Variants in ZC3H12B observed in about 807,000 individuals in gnomAD.
The protein encoded by ZC3H12B is probable ribonuclease ZC3H12B.
Under a neutral mutation model 43.9 loss-of-function variants are expected in ZC3H12B, and 7 were observed. The ratio of observed to expected loss-of-function variants is 0.16; its 90% CI spans 0.09 to 0.30. The LOEUF (loss-of-function observed/expected upper bound fraction) is 0.30. Among genes scored for constraint, ZC3H12B ranks in the 10% least tolerant of loss-of-function variants. The probability of loss-of-function intolerance (pLI) is 1.00; values close to 1 mark genes in which losing one functional copy is unlikely to be tolerated. For missense variants in ZC3H12B, 475 were observed against 670.2 expected, an observed-to-expected ratio of 0.71 and a Z score of 3.22; for synonymous variants, 222 against 241.7, an observed-to-expected ratio of 0.92 and a Z score of 0.76.
At chrX:65,403,640 C>A (rs757077910) in intron 3 of ZC3H12B, among the ~76,000 whole-genome samples, 2 of 111,466 alleles carry the variant, frequency 1.8e-5, no homozygotes, top group Admixed American at 1.9e-4. Context: ...TCAGTGGAAA[C>A]CTTACAGGCC....
the ZC3H12B span, among the ~76,000 whole-genome samples, chrX:65,189,409 A>G: frequency 2.1e-5 from 2 of 93,461 alleles, no homozygotes; most frequent in Non-Finnish European, 4.1e-5. Flanking sequence ...TTACAGTCCC[A>G]CCAACAGTGT....
chrX:65,161,115 G>T, the ZC3H12B span, among the ~76,000 whole-genome samples: 1 of 111,106 alleles, frequency 9.0e-6, no homozygotes, highest in Non-Finnish European at 1.9e-5. Context: ...ATTGCACTGT[G>T]GTCTGAGAGA....
At chrX:65,087,574 CAG>C in the ZC3H12B span, among the ~76,000 whole-genome samples, 1 of 111,238 alleles carries the variant, frequency 9.0e-6, no homozygotes, top group Non-Finnish European at 1.9e-5. Flanking sequence ...GATGCACAAT[CAG>C]AGAATTTTAG....
At chrX:65,035,772 G>T in the ZC3H12B span, among the ~76,000 whole-genome samples, 2 of 111,230 alleles carry the variant, frequency 1.8e-5, no homozygotes, top group African/African-American at 3.3e-5. Context: ...CCTCCCGAAA[G>T]CCTTGTGCCT....
chrX:65,464,703 T>A (rs1183928966), intron 3 of ZC3H12B, among the ~76,000 whole-genome samples: 9 of 111,141 alleles, frequency 8.1e-5, no homozygotes, highest in African/African-American at 2.6e-4. Context: ...GGTGAGTGGC[T>A]AGGTTATTGA....
chrX:65,169,936 C>T, the ZC3H12B span, among the ~76,000 whole-genome samples: 14 of 111,675 alleles, frequency 1.3e-4, no homozygotes, highest in South Asian at 3.7e-4. Context: ...TCTCTGCACA[C>T]GAGACGGGTC....
At chrX:65,492,898 T>A (rs938891469) in intron 1 of ZC3H12B, among the ~76,000 whole-genome samples, 3 of 111,177 alleles carry the variant, frequency 2.7e-5, no homozygotes, top group Non-Finnish European at 5.7e-5. Flanking sequence ...GCCCAGGAGT[T>A]CGAGACCAGC....
the ZC3H12B span, among the ~76,000 whole-genome samples, chrX:65,131,508 G>T: frequency 3.6e-5 from 4 of 111,477 alleles, no homozygotes; most frequent in African/African-American, 1.3e-4. Context: ...GGATGAGTTA[G>T]GGAGAGTTAG....
At chrX:65,060,636 A>G in the ZC3H12B span, among the ~76,000 whole-genome samples, 1 of 111,890 alleles carries the variant, frequency 8.9e-6, no homozygotes, top group Non-Finnish European at 1.9e-5. Context: ...ATCAATATTC[A>G]TCAGATATAT....
chrX:65,177,018 G>A, the ZC3H12B span, among the ~76,000 whole-genome samples: 1 of 112,047 alleles, frequency 8.9e-6, no homozygotes, highest in African/African-American at 3.2e-5. Context: ...ACATTGTTGT[G>A]AAGATCCTCA....
intron 3 of ZC3H12B, among the ~76,000 whole-genome samples, chrX:65,452,205 T>A (rs1314929685): frequency 9.0e-6 from 1 of 110,852 alleles, no homozygotes; most frequent in Non-Finnish European, 1.9e-5. Flanking sequence ...GAGAAAGAAA[T>A]AAAAGGCATC....
At chrX:65,122,218 G>T in the ZC3H12B span, among the ~76,000 whole-genome samples, 1 of 110,697 alleles carries the variant, frequency 9.0e-6, no homozygotes, top group African/African-American at 3.3e-5. Context: ...AGAAGAGAGT[G>T]GGGGCCAATA....
the ZC3H12B span, among the ~76,000 whole-genome samples, chrX:65,073,136 G>A: frequency 8.9e-6 from 1 of 112,271 alleles, no homozygotes; most frequent in East Asian, 2.8e-4. Flanking sequence ...TTGGGGGATG[G>A]GAGGAAGAAT....
chrX:65,331,194 C>T, the ZC3H12B span: 15 of 155,383 alleles, frequency 9.7e-5, no homozygotes, highest in Admixed American at 1.1e-3. Flanking sequence ...ACTCACCCAC[C>T]CTCCTGGAGT....
chrX:65,272,952 A>G, the ZC3H12B span: 1 of 112,218 alleles, frequency 8.9e-6, no homozygotes, highest in East Asian at 2.8e-4. Context: ...TGTTGGTTTC[A>G]ATTGGTGTTC....
the ZC3H12B span, among the ~76,000 whole-genome samples, chrX:65,177,699 T>C: frequency 9.0e-6 from 1 of 111,282 alleles, no homozygotes; most frequent in Admixed American, 9.6e-5. Context: ...ATAAAATACC[T>C]AGGAATACAA....
chrX:65,488,398 G>A (rs890494605), upstream of ZC3H12B, among the ~76,000 whole-genome samples: 13 of 96,919 alleles, frequency 1.3e-4, no homozygotes, highest in Admixed American at 3.3e-4. Flanking sequence ...CGCAGGGTGG[G>A]GTAGGGGGGC....
the ZC3H12B span, among the ~76,000 whole-genome samples, chrX:65,191,925 C>T: frequency 7.7e-5 from 8 of 103,658 alleles, no homozygotes; most frequent in Admixed American, 2.1e-4. Flanking sequence ...CCTGCTTTCT[C>T]TTGTGGGCAT....
the ZC3H12B span, among the ~76,000 whole-genome samples, chrX:65,083,887 T>G: frequency 9.0e-6 from 1 of 111,583 alleles, no homozygotes. Flanking sequence ...ACCAAAACAC[T>G]GTGATACTAG....
Sources: allele counts gnomAD v4.1 joint callset (sites outside exome capture counted in the v4.1 genomes callset), GRCh38; gene constraint gnomAD v4.1.1; transcripts MANE v1.5; gene names NCBI Gene and HGNC (gene_info 2026-07-23, HGNC 2026-07-21).